FOCAD: variants seen among roughly 807,000 people sequenced by gnomAD.
The protein encoded by FOCAD is KIAA1797.
Under a neutral mutation model 225.6 loss-of-function variants are expected in FOCAD, and 198 were observed. That is an observed-to-expected ratio of 0.88 (90% CI 0.78 to 0.99). FOCAD has a LOEUF of 0.99. Among genes scored for constraint, FOCAD ranks in the 50% least tolerant of loss-of-function variants. The pLI is 0.00. For missense variants in FOCAD, 2,713 were observed against 2,123.6 expected (o/e 1.28, Z -5.46); for synonymous variants, 897 against 755.0 (o/e 1.19, Z -3.08).
At chr9:20,658,121 G>A (rs1440523629), upstream of FOCAD, among the ~76,000 whole-genome samples, 15 of 151,092 alleles carry the variant, frequency 9.9e-5, no homozygotes, top group South Asian at 3.0e-3. Flanking sequence ...CACTTGAGGA[G>A]GCAGTCTGCC....
At chr9:20,828,628 A>C (rs552004211) in intron 15 of FOCAD, among the ~76,000 whole-genome samples, 1 of 152,072 alleles carries the variant, frequency 6.6e-6, no homozygotes, top group Non-Finnish European at 1.5e-5. Context: ...ATTTTTAAAA[A>C]TTTTGATTTT....
At chr9:20,851,150 G>T (rs1250580377) in intron 15 of FOCAD, among the ~76,000 whole-genome samples, 2 of 150,034 alleles carry the variant, frequency 1.3e-5, no homozygotes, top group Non-Finnish European at 3.0e-5. Flanking sequence ...TGCATATTTT[G>T]TAGGAATAAT....
intron 5 of FOCAD, among the ~76,000 whole-genome samples, chr9:20,745,391 G>A (rs963077313): frequency 6.6e-6 from 1 of 152,114 alleles, no homozygotes; most frequent in African/African-American, 2.4e-5. Flanking sequence ...CACTGGGCCT[G>A]TTTAAACATT....
At chr9:20,913,763 AT>A (rs1336248390) in intron 23 of FOCAD, among the ~76,000 whole-genome samples, 1 of 152,192 alleles carries the variant, frequency 6.6e-6, no homozygotes, top group Non-Finnish European at 1.5e-5. Flanking sequence ...ATGATATTGG[AT>A]TTAGGATTAG....
intron 11 of FOCAD, among the ~76,000 whole-genome samples, chr9:20,794,317 AG>A (rs1820839222): frequency 6.6e-6 from 1 of 152,192 alleles, no homozygotes. Flanking sequence ...TGAAAGCAAG[AG>A]ATTTGAGAAA....
intron 11 of FOCAD, among the ~76,000 whole-genome samples, chr9:20,805,059 T>G (rs1313371543): frequency 6.6e-6 from 1 of 152,200 alleles, no homozygotes; most frequent in Non-Finnish European, 1.5e-5. Flanking sequence ...CGCAGGGAAA[T>G]TCACGATAGC....
chr9:20,719,448 T>C (rs1825605704), intron 3 of FOCAD, among the ~76,000 whole-genome samples: 7 of 152,174 alleles, frequency 4.6e-5, no homozygotes, highest in Admixed American at 4.6e-4. Context: ...TCCCAAATTA[T>C]ATATTTCCCT....
rs567160291 is a variant in FOCAD, at chr9:20,783,420, A to G, written c.1197+1491A>G. Reference sequence around the variant, plus strand: ...GCACCTATCTGGAACTTTACATTCCAGTCACACCTATGAATTTAACATGCC... The same window carrying G: ...GCACCTATCTGGAACTTTACATTCCGGTCACACCTATGAATTTAACATGCC... On this transcript the variant is annotated intron_variant, in intron 10 of 43. Coordinates refer to ENST00000338382, the MANE Select transcript of FOCAD (RefSeq NM_001375567.1). Among the ~76,000 whole-genome samples, 4 of 152,026 alleles carry G rather than the reference A, an allele frequency of 2.6e-5. No individual in the cohort carries two copies. In the South Asian group the frequency reaches 8.3e-4, roughly 32 times the overall value.
intron 11 of FOCAD, among the ~76,000 whole-genome samples, chr9:20,792,729 T>A (rs1820658966): frequency 6.6e-6 from 1 of 152,244 alleles, no homozygotes; most frequent in Non-Finnish European, 1.5e-5. Context: ...TTTCAGAGCT[T>A]CAATTTTTTT....
Position 20,976,297 on chromosome 9 carries a change from A to C in FOCAD, c.4133-123A>C, listed in dbSNP as rs1018553680. ...TTAAGAGCACAGAATTGAAGCGTTG[A>C]TCGCAATTGAATATGTGATATCAGA... On this transcript the variant is annotated intron_variant, in intron 35 of 43. Coordinates refer to ENST00000338382, the MANE Select transcript of FOCAD (RefSeq NM_001375567.1). 5 of 857,862 alleles carry C rather than the reference A, an allele frequency of 5.8e-6. No individual in the cohort carries two copies. The East Asian group carries it at 1.3e-4, about 22-fold the overall frequency. 53.1% of individuals were successfully genotyped at this position (857,862 alleles called of 1,614,324 possible). A position where few individuals can be genotyped will look rare whatever the true frequency, so the allele number is the denominator to read the frequency against.
chr9:20,866,917 T>TTTTTTTTTTTTTTTTTTAACAAA lies in FOCAD; in HGVS notation c.2107-12_2107-11insTTTTTTTTTTTTTTTTTAACAAA. 1 of 764,972 alleles carries TTTTTTTTTTTTTTTTTTAACAAA rather than the reference T, an allele frequency of 1.3e-6. No homozygotes were observed. Among genetic ancestry groups the TTTTTTTTTTTTTTTTTTAACAAA allele is most frequent in the Non-Finnish European group, 2.0e-6 (1 of 498,468 alleles). 47.4% of individuals were successfully genotyped at this position (764,972 alleles called of 1,614,324 possible). A position where few individuals can be genotyped will look rare whatever the true frequency, so the allele number is the denominator to read the frequency against. On this transcript the variant is annotated splice_polypyrimidine_tract_variant and intron_variant, in intron 17 of 43. Coordinates refer to ENST00000338382, the MANE Select transcript of FOCAD (RefSeq NM_001375567.1). ...TTTTTTTTTTTTTTTTTTTTTTTTTTACCCTATCTAGGACCCAATTGTAGC... is the reference window on the plus strand; with the variant it reads ...TTTTTTTTTTTTTTTTTTTTTTTTTTTTTTTTTTTTTTTTTTTAACAAAACCCTATCTAGGACCCAATTGTAGC...
intron 11 of FOCAD, among the ~76,000 whole-genome samples, chr9:20,801,218 A>G (rs1821793400): frequency 2.0e-5 from 3 of 152,160 alleles, no homozygotes; most frequent in South Asian, 2.1e-4. Flanking sequence ...CATCTAAGCT[A>G]GATAATATAG....
chr9:20,929,302 G>A, intron 26 of FOCAD, 56 bp from the exon 27 acceptor site: 1 of 1,360,898 alleles, frequency 7.3e-7, no homozygotes, highest in Non-Finnish European at 1.0e-6. Flanking sequence ...TTTATGATAG[G>A]TATGCTTCCT....
intron 11 of FOCAD, among the ~76,000 whole-genome samples, chr9:20,799,914 C>A (rs868122132): frequency 6.6e-6 from 1 of 152,114 alleles, no homozygotes; most frequent in African/African-American, 2.4e-5. Flanking sequence ...TTATTTTGCT[C>A]GTTAGTTGAT....
chr9:20,865,848 T>G, intron 16 of FOCAD, 78 bp from the exon 17 acceptor site: 1 of 984,138 alleles, frequency 1.0e-6, no homozygotes, highest in Non-Finnish European at 1.5e-6. Flanking sequence ...TAATTTTCAT[T>G]ATTTGCTACT....
At chr9:20,742,960 G>A (rs1055110614) in intron 5 of FOCAD, among the ~76,000 whole-genome samples, 6 of 152,160 alleles carry the variant, frequency 3.9e-5, no homozygotes, top group Admixed American at 2.6e-4. Flanking sequence ...GTGAATGGCC[G>A]TTTAGCACTA....
intron 26 of FOCAD, among the ~76,000 whole-genome samples, chr9:20,927,485 A>T (rs937789750): frequency 6.6e-6 from 1 of 152,096 alleles, no homozygotes; most frequent in Non-Finnish European, 1.5e-5. Context: ...AAGTTTTGAA[A>T]ACTGTTAAAT....
At chr9:20,776,052 T>C (rs919798272) in intron 8 of FOCAD, among the ~76,000 whole-genome samples, 2 of 151,934 alleles carry the variant, frequency 1.3e-5, no homozygotes, top group African/African-American at 4.8e-5. Flanking sequence ...CAGCAAGCAG[T>C]TGGAGAGGGA....
chr9:20,944,647 T>C lies in FOCAD; in HGVS notation c.3428T>C (p.Val1143Ala). ...LEYNTGCILG[V>A]GLVLSLMSHS... ...CCAAGCACGGGCTGTATATTGGGAG[T>C]TGGACTTGTTCTGTCCCTCATGAGC... The change falls in exon 29 of 44, where the codon GTT (valine) becomes GCT (alanine). Residue 1143 changes from valine to alanine, a missense_variant. Physicochemically the swap from Val to Ala is moderately conservative, Grantham distance 64. Transcript: ENST00000338382. 3 of 1,613,566 alleles carry C rather than the reference T, an allele frequency of 1.9e-6. No individual in the cohort carries two copies. Among genetic ancestry groups the C allele is most frequent in the Admixed American group, 1.7e-5 (1 of 59,976 alleles).
Sources: gnomAD v4.1 joint callset for allele counts (sites outside exome capture counted in the v4.1 genomes callset) on GRCh38, gnomAD v4.1.1 for gene constraint, MANE v1.5 for transcripts, NCBI Gene and HGNC (gene_info 2026-07-23, HGNC 2026-07-21) for gene names.